ZNF20: variants seen among roughly 807,000 people sequenced by gnomAD.
The protein encoded by ZNF20 is zinc finger protein 20.
In ZNF20, 9 loss-of-function variants were observed where a neutral mutation model predicts 11.0. The observed-to-expected ratio is 0.82, with a 90% CI of 0.49 to 1.43. ZNF20 has a LOEUF of 1.43. Ranked by LOEUF, ZNF20 falls within the 40% of genes most tolerant of loss-of-function variation. The pLI is 0.00. For missense variants in ZNF20, 528 were observed against 640.8 expected, an observed-to-expected ratio of 0.82 and a Z score of 1.90; for synonymous variants, 182 against 213.0, an observed-to-expected ratio of 0.85 and a Z score of 1.27.
Position 12,133,096 on chromosome 19 carries a change from C to T in ZNF20, c.1090G>A (p.Asp364Asn). 1 of 1,613,992 alleles carries T rather than the reference C, an allele frequency of 6.2e-7. No homozygotes were observed. Among genetic ancestry groups the T allele is most frequent in the South Asian group, 1.1e-5 (1 of 91,066 alleles). The change falls in exon 4 of 4, where the codon GAT becomes AAT. Residue 364 changes from aspartate to asparagine, a missense_variant. Transcript: ENST00000334213. The part of the protein sequence containing the change: ...LQRHEKTHTE[D>N]KPYGCKQCGK... ...CACTGCTTACATCCATAGGGTTTATCCTCAGTGTGTGTCTTTTCATGCCTT... is the reference window on the plus strand; with the variant it reads ...CACTGCTTACATCCATAGGGTTTATTCTCAGTGTGTGTCTTTTCATGCCTT...
chr19:12,138,250 C>T (rs1462522264), intron 1 of ZNF20, among the ~76,000 whole-genome samples: 6 of 151,854 alleles, frequency 4.0e-5, no homozygotes, highest in African/African-American at 7.3e-5. Flanking sequence ...CTCAGGAGTT[C>T]GAGACCAGCC....
chr19:12,135,244 A>G (rs544938771), intron 3 of ZNF20, among the ~76,000 whole-genome samples: 5 of 152,004 alleles, frequency 3.3e-5, no homozygotes, highest in African/African-American at 1.2e-4. Context: ...GATTCAAGCA[A>G]TTCTCCTGCC....
At chr19:12,134,552 A>G (rs1461313438) in intron 3 of ZNF20, among the ~76,000 whole-genome samples, 1 of 152,154 alleles carries the variant, frequency 6.6e-6, no homozygotes, top group Non-Finnish European at 1.5e-5. Flanking sequence ...CTAAGGCACG[A>G]GAATACCTCG....
Position 12,132,706 on chromosome 19 carries a change from G to C in ZNF20, c.1480C>G (p.Arg494Gly). The change falls in exon 4 of 4, where the codon CGA becomes GGA. Residue 494 changes from arginine (R) to glycine (G), a missense_variant. Physicochemically the swap from Arg to Gly is moderately radical, Grantham distance 125. Coordinates refer to ENST00000334213, the MANE Select transcript of ZNF20 (RefSeq NM_021143.4). ...CCAGTGTGAGTCCTTTCATGATATC[G>C]AATGTAATTGGAAATAAAGGCCTTA... Reference protein sequence around the residue: ...CGKAFISNYIRYHERTHTGEK... With the variant: ...CGKAFISNYIGYHERTHTGEK... The C allele has an allele frequency of 6.2e-7, 1 of 1,613,970 alleles. No homozygotes were observed. The highest frequency in any genetic ancestry group is 8.5e-7 in the Non-Finnish European group (1 of 1,179,988).
At position 12,133,022 on chromosome 19, in the gene ZNF20, C is replaced by T. The variant is rs745920069; in HGVS notation, c.1164G>A (p.Thr388=). ...CASQLQIHER[T]HSGEKPHECK... ...ATTCATGGGGTTTCTCTCCACTGTG[C>T]GTCCTTTCATGAATTTGAAGTTGTG... The change falls in exon 4 of 4, where the codon ACG becomes ACA. Residue 388 remains threonine, a synonymous_variant. Coordinates refer to ENST00000334213, the MANE Select transcript of ZNF20 (RefSeq NM_021143.4). 19 of 1,613,670 alleles carry T rather than the reference C, an allele frequency of 1.2e-5. No individual in the cohort carries two copies. Among genetic ancestry groups the T allele is most frequent in the Middle Eastern group, 1.6e-4 (1 of 6,080 alleles).
chr19:12,136,892 C>G (rs2145600846), intron 1 of ZNF20: 1 of 438,024 alleles, frequency 2.3e-6, no homozygotes, highest in East Asian at 7.9e-5. Context: ...GGAGAACAAA[C>G]AATCTTTGAA....
In ZNF20 at chr19:12,139,161, G is replaced by A. The variant is rs1976758924; in HGVS notation, c.3+1019C>T. 6.6e-6 allele frequency among the ~76,000 whole-genome samples: 1 copy of A among 152,200 alleles called. No individual in the cohort carries two copies. The highest frequency in any genetic ancestry group is 6.5e-5 in the Admixed American group (1 of 15,278). ...GCCTATTCAAACTTCAGCTATGAAA[G>A]GAAATACCTACTCCATAGGGCGTAA... On this transcript the variant is annotated intron_variant, in intron 1 of 3. Transcript: ENST00000334213. The surrounding 1 kb of genome is among the most constrained non-coding windows in gnomAD (Gnocchi z 4.0).
chr19:12,133,579 A>G lies in ZNF20; in HGVS notation c.607T>C (p.Phe203Leu), dbSNP rs1568383016. The G allele has an allele frequency of 6.2e-7, 1 of 1,614,052 alleles. No individual in the cohort carries two copies. The highest frequency in any genetic ancestry group is 8.5e-7 in the Non-Finnish European group (1 of 1,180,002). ...HSGDGPYKCKFCGKAFYFLNL... is the reference protein window; with the variant it reads ...HSGDGPYKCKLCGKAFYFLNL... Reference sequence around the variant, plus strand: ...AGAAAATAGAAGGCTTTCCCACAAAACTTACATTTATAAGGTCCATCTCCA... The same window carrying G: ...AGAAAATAGAAGGCTTTCCCACAAAGCTTACATTTATAAGGTCCATCTCCA... The change falls in exon 4 of 4, where the codon TTT becomes CTT. Residue 203 changes from phenylalanine (F) to leucine (L), a missense_variant. By Grantham distance (22) the Phe-to-Leu change is conservative. Transcript: ENST00000334213.
chr19:12,138,938 G>A (rs1976755897), intron 1 of ZNF20, among the ~76,000 whole-genome samples: 2 of 152,236 alleles, frequency 1.3e-5, no homozygotes, highest in African/African-American at 4.8e-5. Context: ...GTTAGGGCGG[G>A]GTAGCAGGGT....
Position 12,132,724 on chromosome 19 carries a change from A to C in ZNF20, c.1462T>G (p.Phe488Val), listed in dbSNP as rs762654453. 6.2e-7 allele frequency: 1 copy of C among 1,613,578 alleles called. No homozygotes were observed. Among genetic ancestry groups the C allele is most frequent in the South Asian group, 1.1e-5 (1 of 91,034 alleles). The part of the protein sequence containing the change: ...PYECKHCGKA[F>V]ISNYIRYHER... ...TGATATCGAATGTAATTGGAAATAA[A>C]GGCCTTACCACAGTGCTTACATTCA... The change falls in exon 4 of 4, where the codon TTT (phenylalanine) becomes GTT (valine). Residue 488 changes from phenylalanine (F) to valine (V), a missense_variant. By Grantham distance (50) the Phe-to-Val change is conservative (BLOSUM62 -1). Coordinates refer to ENST00000334213, the MANE Select transcript of ZNF20 (RefSeq NM_021143.4).
chr19:12,135,573 C>A lies in ZNF20; in HGVS notation c.140-13G>T. 2 of 1,611,352 alleles carry A rather than the reference C, an allele frequency of 1.2e-6. No homozygotes were observed. Among genetic ancestry groups the A allele is most frequent in the Non-Finnish European group, 1.7e-6 (2 of 1,179,232 alleles). On this transcript the variant is annotated splice_polypyrimidine_tract_variant and intron_variant, in intron 2 of 3. Transcript: ENST00000334213. ...TTCCATGTTTTTCCTAAAACACAGA[C>A]CCGGAGAAAACACAGATCCAGAATT... is the stretch of plus-strand genomic sequence containing the variant.
chr19:12,135,446 C>G (rs1379851736), intron 3 of ZNF20, 54 bp downstream of exon 3: 1 of 1,585,214 alleles, frequency 6.3e-7, no homozygotes, highest in Non-Finnish European at 8.7e-7. Context: ...GGCCTATTTT[C>G]TCACATTTTA....
In ZNF20 at chr19:12,133,699, T is replaced by C. The variant is rs1414638643; in HGVS notation, c.487A>G (p.Lys163Glu). The C allele has an allele frequency of 1.9e-6, 3 of 1,614,244 alleles. No homozygotes were observed. In the South Asian group the frequency reaches 3.3e-5, roughly 18 times the overall value. Residue 163 changes from lysine to glutamate, a missense_variant, in exon 4 of 4, where the codon AAA (lysine) becomes GAA (glutamate). Coordinates refer to ENST00000334213, the MANE Select transcript of ZNF20 (RefSeq NM_021143.4). ...SYLDSFQSHD[K>E]ACTKEKPYDG... ...TAGGGTTTCTCTTTAGTGCAAGCTTTATCATGTGATTGAAAGGAGTCAAGA... is the reference window on the plus strand; with the variant it reads ...TAGGGTTTCTCTTTAGTGCAAGCTTCATCATGTGATTGAAAGGAGTCAAGA...
intron 3 of ZNF20, among the ~76,000 whole-genome samples, chr19:12,134,919 T>C (rs1397515988): frequency 6.6e-6 from 1 of 152,084 alleles, no homozygotes; most frequent in African/African-American, 2.4e-5. Flanking sequence ...GTTGTCCAAA[T>C]TGGAGTGTAG....
Position 12,133,637 on chromosome 19 carries a change from A to T in ZNF20, c.549T>A (p.His183Gln). The T allele has an allele frequency of 6.2e-7, 1 of 1,614,246 alleles. No homozygotes were observed. ...TTACCCTGTGTCTTTGAATGCATGA[A>T]TGGGAAATGAAGGTTTCTGTACATT... ...GKECTETFIS[H>Q]SCIQRHRVMH... The change falls in exon 4 of 4, where the codon CAT becomes CAA. Residue 183 changes from histidine to glutamine, a missense_variant. Transcript: ENST00000334213.
rs1029551907 is a variant in ZNF20 at position 12,132,850 on chromosome 19, T to C, written c.1336A>G (p.Thr446Ala). 1 of 1,614,050 alleles carries C rather than the reference T, an allele frequency of 6.2e-7. No homozygotes were observed. The highest frequency in any genetic ancestry group is 8.5e-7 in the Non-Finnish European group (1 of 1,180,040). The change falls in exon 4 of 4, where the codon ACT (threonine) becomes GCT (alanine). Residue 446 changes from threonine to alanine, a missense_variant. By Grantham distance (58) the Thr-to-Ala change is moderately conservative (BLOSUM62 0). Coordinates refer to ENST00000334213, the MANE Select transcript of ZNF20 (RefSeq NM_021143.4). ...TTACACTCATATGGCTTATCTCCAG[T>C]GTGTGTCCTTTCATGTATATGCAAG... ...SSLHIHERTH[T>A]GDKPYECKVC... is the part of the protein sequence containing the mutation.
rs200667667 is a variant in ZNF20, at chr19:12,133,909, T to C, written c.277A>G (p.Met93Val). 5 of 1,614,184 alleles carry C rather than the reference T, an allele frequency of 3.1e-6. No individual in the cohort carries two copies. The highest frequency in any genetic ancestry group is 4.2e-6 in the Non-Finnish European group (5 of 1,180,012). The change falls in exon 4 of 4, where the codon ATG (methionine) becomes GTG (valine). Residue 93 changes from methionine to valine, a missense_variant. Coordinates refer to ENST00000334213, the MANE Select transcript of ZNF20 (RefSeq NM_021143.4). ...GESFNQIADD[M>V]LNRKTLPGIT... ...CCAGGAAGAGTTTTCCTGTTCAGCA[T>C]GTCATCTGCAATCTGGTTGAAGCTT...
At chr19:12,135,389 C>A in intron 3 of ZNF20, 111 bp downstream of exon 3, 1 of 1,118,216 alleles carries the variant, frequency 8.9e-7, no homozygotes, top group African/African-American at 1.6e-5. Context: ...ATTCACCCAC[C>A]TCGACCTCCC....
At chr19:12,136,065 A>G (rs984257965) in intron 1 of ZNF20, 161 bp from the exon 2 acceptor site, 1 of 904,354 alleles carries the variant, frequency 1.1e-6, no homozygotes, top group Non-Finnish European at 1.6e-6. Flanking sequence ...CCACAAACCA[A>G]CCCTTTTTTT....
Sources: allele counts gnomAD v4.1 joint callset (sites outside exome capture counted in the v4.1 genomes callset), GRCh38; gene constraint gnomAD v4.1.1; non-coding constraint Gnocchi (gnomAD v3.1); transcripts MANE v1.5; gene names NCBI Gene and HGNC (gene_info 2026-07-23, HGNC 2026-07-21).